The following PARD3 variants were observed in gnomAD, a reference collection of about 807,000 sequenced individuals.
PARD3 encodes the protein par-3 family cell polarity regulator.
PARD3 carries 75 observed loss-of-function variants against 155.4 expected under a neutral mutation model. The observed-to-expected ratio is 0.48, with a 90% CI of 0.40 to 0.58. The LOEUF is 0.58. Among genes scored for constraint, PARD3 ranks in the 20% least tolerant of loss-of-function variants. The pLI, the probability that PARD3 is intolerant of heterozygous loss-of-function variation, is 0.00. For synonymous variants in PARD3, 576 were observed against 610.5 expected, an observed-to-expected ratio of 0.94 and a Z score of 0.83; for missense variants, 1,642 against 1,721.7, an observed-to-expected ratio of 0.95 and a Z score of 0.82.
intron 1 of PARD3, among the ~76,000 whole-genome samples, chr10:34,748,652 CT>C (rs1052734815): frequency 1.4e-4 from 21 of 152,154 alleles, no homozygotes; most frequent in African/African-American, 1.7e-4. Context: ...GCATCCCCCC[CT>C]GCTCCCACTC....
chr10:34,187,818 T>G (rs1950550721), intron 22 of PARD3, among the ~76,000 whole-genome samples: 1 of 152,340 alleles, frequency 6.6e-6, no homozygotes, highest in East Asian at 1.9e-4. Flanking sequence ...GCAGCAATGC[T>G]TTGATTTTAA....
chr10:34,389,618 A>C (rs1331186407), intron 7 of PARD3, among the ~76,000 whole-genome samples: 1 of 152,202 alleles, frequency 6.6e-6, no homozygotes, highest in East Asian at 1.9e-4. Context: ...ATCTTAATAA[A>C]GGTTGACACA....
In PARD3 at chr10:34,269,640, T is replaced by C. The variant is rs1457559430; in HGVS notation, c.3419+17A>G. The C allele has an allele frequency of 5.6e-6, 9 of 1,610,510 alleles. No homozygotes were observed. The highest frequency in any genetic ancestry group is 1.7e-5 in the Admixed American group (1 of 59,854). On this transcript the variant is annotated intron_variant, in intron 22 of 24. Transcript: ENST00000374788. ...AGCTGATTTGGAAGCAATACCACGA[T>C]TGCCCCTGGCGCCTACCTGTCTACA...
At chr10:34,557,249 T>A (rs1804147360) in intron 2 of PARD3, among the ~76,000 whole-genome samples, 1 of 152,188 alleles carries the variant, frequency 6.6e-6, no homozygotes, top group Non-Finnish European at 1.5e-5. Context: ...CCAAGCGACT[T>A]GACAAGAGGG....
intron 3 of PARD3, among the ~76,000 whole-genome samples, chr10:34,516,212 A>G (rs984790835): frequency 1.3e-5 from 2 of 152,174 alleles, no homozygotes; most frequent in East Asian, 3.9e-4. Flanking sequence ...TGATCCGCCC[A>G]CCTCAGCCTC....
chr10:34,473,329 CA>C (rs2078484307), intron 3 of PARD3, among the ~76,000 whole-genome samples: 1 of 152,182 alleles, frequency 6.6e-6, no homozygotes, highest in African/African-American at 2.4e-5. Flanking sequence ...TGTCCACTGT[CA>C]AATTCAGGAA....
At chr10:34,441,730 T>C (rs538893043) in intron 5 of PARD3, among the ~76,000 whole-genome samples, 3 of 152,196 alleles carry the variant, frequency 2.0e-5, no homozygotes, top group Non-Finnish European at 4.4e-5. Flanking sequence ...GCAGAAAATA[T>C]GTAGGGATCA....
intron 2 of PARD3, among the ~76,000 whole-genome samples, chr10:34,520,508 T>G (rs560432387): frequency 6.6e-6 from 1 of 152,282 alleles, no homozygotes; most frequent in South Asian, 2.1e-4. Context: ...TATCTGACAG[T>G]GACTTGCAAG....
At chr10:34,114,806 C>G (rs1946576377) in intron 24 of PARD3, among the ~76,000 whole-genome samples, 1 of 152,250 alleles carries the variant, frequency 6.6e-6, no homozygotes. Flanking sequence ...GTTCTTCCCA[C>G]TGTCCTGTGA....
chr10:34,355,958 C>CAAAAAAAAAAAAAAAAAAAAAAA (rs1491326864), intron 14 of PARD3, among the ~76,000 whole-genome samples: 1 of 116,198 alleles, frequency 8.6e-6, no homozygotes, highest in African/African-American at 4.6e-5. Flanking sequence ...AAAACAAAAC[C>CAAAAAAAAAAAAAAAAAAAAAAA]AAACAAAAAA....
At chr10:34,288,380 C>T (rs1320900822) in intron 20 of PARD3, among the ~76,000 whole-genome samples, 1 of 151,642 alleles carries the variant, frequency 6.6e-6, no homozygotes, top group Non-Finnish European at 1.5e-5. Flanking sequence ...ATAATTGGGA[C>T]AAAAATGGAT....
chr10:34,359,230 G>A lies in PARD3; in HGVS notation c.1984C>T (p.Leu662=). ...GKTNQDAMET[L]RRSMSTEGNK... The stretch of plus-strand genomic sequence containing the variant: ...CCTTCAGTAGACATAGACCTTCTTA[G>A]GGTTTCCATGGCATCTTGGTTTGTC... The change falls in exon 14 of 25, where the codon CTA becomes TTA. Residue 662 remains leucine, a synonymous_variant. Transcript: ENST00000374788. The A allele has an allele frequency of 2.5e-6, 4 of 1,613,544 alleles. No homozygotes were observed. The highest frequency in any genetic ancestry group is 1.6e-4 in the Middle Eastern group (1 of 6,062).
At chr10:34,501,123 G>A (rs1251454893) in intron 3 of PARD3, among the ~76,000 whole-genome samples, 1 of 152,050 alleles carries the variant, frequency 6.6e-6, no homozygotes, top group Non-Finnish European at 1.5e-5. Flanking sequence ...TGGTCTCAAA[G>A]AAATACTCAC....
At chr10:34,312,342 G>A (rs369146584) in intron 20 of PARD3, 68 of 1,611,902 alleles carry the variant, frequency 4.2e-5, no homozygotes, top group African/African-American at 3.1e-4. Context: ...GTTTTGAATC[G>A]CTTTGTTGTT....
intron 21 of PARD3, among the ~76,000 whole-genome samples, chr10:34,272,893 G>A (rs1378534142): frequency 1.3e-5 from 2 of 152,166 alleles, no homozygotes; most frequent in African/African-American, 2.4e-5. Flanking sequence ...CCAGTTAATA[G>A]GGAAATGCAA....
chr10:34,516,664 T>C (rs1415191244), intron 3 of PARD3, among the ~76,000 whole-genome samples: 1 of 152,244 alleles, frequency 6.6e-6, no homozygotes, highest in African/African-American at 2.4e-5. Flanking sequence ...CAAAGCTCTT[T>C]GGTCATTTCT....
chr10:34,328,633 A>G (rs2134211995), intron 19 of PARD3, among the ~76,000 whole-genome samples: 1 of 152,340 alleles, frequency 6.6e-6, no homozygotes, highest in Non-Finnish European at 1.5e-5. Flanking sequence ...ACCAGAGATC[A>G]CAACACACCA....
intron 5 of PARD3, among the ~76,000 whole-genome samples, chr10:34,409,746 A>G (rs1418789449): frequency 6.6e-6 from 1 of 152,194 alleles, no homozygotes; most frequent in Non-Finnish European, 1.5e-5. Flanking sequence ...TACCAGAGTA[A>G]CACTTATTTT....
intron 1 of PARD3, among the ~76,000 whole-genome samples, chr10:34,697,848 T>G (rs1469596651): frequency 2.6e-5 from 4 of 151,284 alleles, no homozygotes. Context: ...GAATCCCAAT[T>G]ACAACATCAT....
Sources: gnomAD v4.1 joint callset for allele counts (sites outside exome capture counted in the v4.1 genomes callset) on GRCh38, gnomAD v4.1.1 for gene constraint, MANE v1.5 for transcripts, NCBI Gene and HGNC (gene_info 2026-07-23, HGNC 2026-07-21) for gene names.